VSIR: variants seen among roughly 807,000 people sequenced by gnomAD.
The protein encoded by VSIR is V-type immunoglobulin domain-containing suppressor of T-cell activation.
A neutral mutation model predicts 31.0 loss-of-function variants in VSIR; 10 were observed. The ratio of observed to expected loss-of-function variants is 0.32; its 90% CI spans 0.20 to 0.55. VSIR has a LOEUF of 0.55. Ranked by LOEUF, VSIR falls within the 20% of genes least tolerant of loss-of-function variation. The probability of loss-of-function intolerance (pLI) is 0.93; values close to 1 mark genes in which losing one functional copy is unlikely to be tolerated. For missense variants in VSIR, 356 were observed against 416.2 expected (o/e 0.86, Z 1.26); for synonymous variants, 179 against 180.1 (o/e 0.99, Z 0.05).
intron 2 of VSIR, 46 bp downstream of exon 2, chr10:71,761,552 G>A (rs773548979): frequency 1.3e-6 from 2 of 1,501,718 alleles, no homozygotes; most frequent in South Asian, 2.6e-5. Flanking sequence ...CATCAGACAG[G>A]CAGCCCTCCA....
chr10:71,762,176 G>T, intron 1 of VSIR, 150 bp from the exon 2 acceptor site: 1 of 939,848 alleles, frequency 1.1e-6, no homozygotes, highest in Non-Finnish European at 1.5e-6. Flanking sequence ...TTCTGCATTT[G>T]TTCACAAACC....
chr10:71,765,791 G>T (rs1840526109), intron 1 of VSIR, among the ~76,000 whole-genome samples: 1 of 152,144 alleles, frequency 6.6e-6, no homozygotes, highest in Admixed American at 6.5e-5. Context: ...GAAAAAAGCT[G>T]TCTTAGGATT....
At chr10:71,758,951 C>G (rs1230577432) in intron 3 of VSIR, among the ~76,000 whole-genome samples, 1 of 151,920 alleles carries the variant, frequency 6.6e-6, no homozygotes, top group Admixed American at 6.5e-5. Context: ...CTCACTGCAA[C>G]TTCTGCCTCC....
At chr10:71,752,007 A>C in intron 5 of VSIR, 146 bp from the exon 6 acceptor site, 1 of 925,288 alleles carries the variant, frequency 1.1e-6, no homozygotes, top group South Asian at 1.4e-5. Context: ...AGAAGGCAGG[A>C]GCCAGGCCCA....
chr10:71,767,421 A>G (rs151047987), intron 1 of VSIR, among the ~76,000 whole-genome samples: 2 of 152,360 alleles, frequency 1.3e-5, no homozygotes, highest in African/African-American at 4.8e-5. Context: ...GAGGTTGTCA[A>G]GTAAACAGTT....
Position 71,750,946 on chromosome 10 carries a change from A to G in VSIR, c.*307T>C, listed in dbSNP as rs1466177915. 2 of 330,632 alleles carry G rather than the reference A, an allele frequency of 6.0e-6. No homozygotes were observed. The highest frequency in any genetic ancestry group is 1.1e-5 in the Non-Finnish European group (2 of 180,596). The allele number at this position is 330,632 out of a possible 1,614,324, so 20.5% of individuals were successfully genotyped here. ...CATGTCTCAGAACGAGAGCTGCTGA[A>G]GGGCTGGACGTTCTGAGACTTCTTA... On this transcript the variant is annotated 3_prime_UTR_variant, in exon 7 of 7. Coordinates refer to ENST00000394957, the MANE Select transcript of VSIR (RefSeq NM_022153.2).
chr10:71,755,586 A>C (rs755630026), intron 3 of VSIR, 120 bp from the exon 4 acceptor site: 84 of 898,266 alleles, frequency 9.4e-5, no homozygotes, highest in Non-Finnish European at 1.4e-4. Context: ...CCAGAGTCCC[A>C]CAGCTAGACC....
chr10:71,768,564 C>A (rs1182482401), intron 1 of VSIR, among the ~76,000 whole-genome samples: 1 of 152,150 alleles, frequency 6.6e-6, no homozygotes, highest in Non-Finnish European at 1.5e-5. Flanking sequence ...TAACCTCGAA[C>A]TCATGGGCTC....
intron 3 of VSIR, among the ~76,000 whole-genome samples, chr10:71,757,111 C>G (rs758968623): frequency 2.6e-5 from 4 of 152,228 alleles, no homozygotes; most frequent in Non-Finnish European, 4.4e-5. Context: ...TATTTCAAAA[C>G]CCCCATCAAA....
At chr10:71,766,506 C>T (rs1383918773) in intron 1 of VSIR, among the ~76,000 whole-genome samples, 6 of 152,186 alleles carry the variant, frequency 3.9e-5, no homozygotes, top group Admixed American at 6.5e-5. Flanking sequence ...TAGTTGTGCC[C>T]TCATTGTGTG....
In VSIR at chr10:71,750,410, C is replaced by A. The variant is rs1839964977; in HGVS notation, c.*843G>T. On this transcript the variant is annotated 3_prime_UTR_variant, in exon 7 of 7. Coordinates refer to ENST00000394957, the MANE Select transcript of VSIR (RefSeq NM_022153.2). ...ACATTGTGTGGCACCCTTGCAATGGCCCGCGCTGAGCAGTGGGAGTAGGGG... is the reference window on the plus strand; with the variant it reads ...ACATTGTGTGGCACCCTTGCAATGGACCGCGCTGAGCAGTGGGAGTAGGGG... The A allele has an allele frequency of 6.6e-6, 1 of 152,330 alleles. No homozygotes were observed. The highest frequency in any genetic ancestry group is 1.5e-5 in the Non-Finnish European group (1 of 68,106). 9.4% of individuals were successfully genotyped at this position (152,330 alleles called of 1,614,324 possible).
Position 71,760,002 on chromosome 10 carries a change from C to T in VSIR, c.568+866G>A, listed in dbSNP as rs201513152. ...ACACATATATATACACACACACATA[C>T]ATATATATACACACACACATATATA... is the stretch of plus-strand genomic sequence containing the variant. On this transcript the variant is annotated intron_variant, in intron 3 of 6. Coordinates refer to ENST00000394957, the MANE Select transcript of VSIR (RefSeq NM_022153.2). Among the ~76,000 whole-genome samples the T allele has an allele frequency of 1.5e-4, 8 of 52,600 alleles. 1 individual carries two copies. The highest frequency in any genetic ancestry group is 2.0e-4 in the Admixed American group (1 of 4,914). The allele number at this position is 52,600 out of a possible 152,430, so 34.5% of individuals were successfully genotyped here. A position where few individuals can be genotyped will look rare whatever the true frequency, so the allele number is the denominator to read the frequency against.
At chr10:71,760,739 A>C (rs1840358708) in intron 3 of VSIR, 129 bp downstream of exon 3, 4 of 815,350 alleles carry the variant, frequency 4.9e-6, no homozygotes, top group Non-Finnish European at 8.5e-6. Flanking sequence ...GCAGCAGCAG[A>C]AAAGGAGGAG....
Position 71,751,194 on chromosome 10 carries a change from C to G in VSIR, c.*59G>C, listed in dbSNP as rs376722288. Reference sequence around the variant, plus strand: ...AAGGAGGCCACTCACAGAGCCAGCCCTGGCTCAAATGCACCTGCCCCAGAC... The same window carrying G: ...AAGGAGGCCACTCACAGAGCCAGCCGTGGCTCAAATGCACCTGCCCCAGAC... On this transcript the variant is annotated 3_prime_UTR_variant, in exon 7 of 7. Coordinates refer to ENST00000394957, the MANE Select transcript of VSIR (RefSeq NM_022153.2). This position sits in a 1 kb window ranked among gnomAD's most constrained non-coding sequence, Gnocchi z 4.9. The G allele has an allele frequency of 4.9e-5, 77 of 1,570,888 alleles. No homozygotes were observed. In the African/African-American group the frequency reaches 9.7e-4, roughly 20 times the overall value.
At chr10:71,765,205 T>A (rs1840505346) in intron 1 of VSIR, among the ~76,000 whole-genome samples, 1 of 152,276 alleles carries the variant, frequency 6.6e-6, no homozygotes. Context: ...TGCCCCTTTC[T>A]CCCTTTGCCT....
chr10:71,763,797 T>C (rs1432158828), intron 1 of VSIR, among the ~76,000 whole-genome samples: 1 of 152,192 alleles, frequency 6.6e-6, no homozygotes, highest in Non-Finnish European at 1.5e-5. Context: ...ATTCAGCAAG[T>C]CAAGAAGTGC....
chr10:71,756,828 T>C (rs949034050), intron 3 of VSIR, among the ~76,000 whole-genome samples: 1 of 152,242 alleles, frequency 6.6e-6, no homozygotes, highest in Non-Finnish European at 1.5e-5. Flanking sequence ...AAATGTTGCC[T>C]TTCCGCTATT....
At chr10:71,764,876 G>A (rs1272653483) in intron 1 of VSIR, among the ~76,000 whole-genome samples, 2 of 152,214 alleles carry the variant, frequency 1.3e-5, no homozygotes, top group African/African-American at 4.8e-5. Context: ...AAGCCTGGCA[G>A]TGCAGGGACT....
At chr10:71,753,093 A>G in intron 4 of VSIR, 91 bp from the exon 5 acceptor site, 2 of 1,488,132 alleles carry the variant, frequency 1.3e-6, no homozygotes, top group South Asian at 2.4e-5. Context: ...CCTGCAGGGA[A>G]CAGGAGCGAG....
Sources: gnomAD v4.1 joint callset for allele counts (sites outside exome capture counted in the v4.1 genomes callset) on GRCh38, gnomAD v4.1.1 for gene constraint, Gnocchi (gnomAD v3.1) non-coding constraint, MANE v1.5 for transcripts, NCBI Gene and HGNC (gene_info 2026-07-23, HGNC 2026-07-21) for gene names.